The following PLXNA4 variants were observed in gnomAD, a reference collection of about 807,000 sequenced individuals.
PLXNA4 encodes plexin-A4.
In PLXNA4, 44 loss-of-function variants were observed where a neutral mutation model predicts 191.8. The ratio of observed to expected loss-of-function variants is 0.23; its 90% CI spans 0.18 to 0.29. PLXNA4 has a LOEUF of 0.29. PLXNA4 is among the 10% of genes least tolerant of loss of function. The pLI is 1.00. For missense variants in PLXNA4, 1,800 were observed against 2,488.8 expected (o/e 0.72, Z 5.89); for synonymous variants, 1,082 against 1,009.5 (o/e 1.07, Z -1.36).
At chr7:132,612,898 G>T (rs1293728550) in intron 2 of PLXNA4, among the ~76,000 whole-genome samples, 3 of 151,892 alleles carry the variant, frequency 2.0e-5, no homozygotes, top group African/African-American at 7.3e-5. Context: ...TCTATCAAAA[G>T]GGCATCAAAA....
chr7:132,288,848 TC>T (rs1160738885), intron 4 of PLXNA4, among the ~76,000 whole-genome samples: 1 of 152,142 alleles, frequency 6.6e-6, no homozygotes, highest in African/African-American at 2.4e-5. Context: ...TTCTATCAAA[TC>T]AATGTCTATA....
intron 3 of PLXNA4, among the ~76,000 whole-genome samples, chr7:132,442,336 C>T (rs1337101660): frequency 6.6e-6 from 1 of 152,150 alleles, no homozygotes; most frequent in African/African-American, 2.4e-5. Context: ...TATGAAGTTA[C>T]TGCTTGATGC....
intron 1 of PLXNA4, among the ~76,000 whole-genome samples, chr7:132,524,608 C>T (rs1177999226): frequency 3.9e-5 from 6 of 152,308 alleles, no homozygotes; most frequent in African/African-American, 2.4e-5. Flanking sequence ...TGGAGTCTCA[C>T]TCTGTCACCC....
chr7:132,593,191 C>T (rs1427642026), intron 2 of PLXNA4, among the ~76,000 whole-genome samples: 3 of 152,210 alleles, frequency 2.0e-5, no homozygotes, highest in African/African-American at 7.2e-5. Flanking sequence ...TTTACCCACA[C>T]AATTGACGCG....
chr7:132,358,340 A>C (rs1803795261), intron 3 of PLXNA4, among the ~76,000 whole-genome samples: 1 of 152,198 alleles, frequency 6.6e-6, no homozygotes, highest in South Asian at 2.1e-4. Context: ...TGCCCTTTCT[A>C]CTAACAAGTG....
intron 3 of PLXNA4, among the ~76,000 whole-genome samples, chr7:132,484,419 C>T (rs1040298178): frequency 6.6e-6 from 1 of 152,244 alleles, no homozygotes; most frequent in Non-Finnish European, 1.5e-5. Flanking sequence ...TCAGCCTCCC[C>T]TTCACACAAC....
chr7:132,464,261 A>G (rs1327229281), intron 3 of PLXNA4, among the ~76,000 whole-genome samples: 1 of 152,200 alleles, frequency 6.6e-6, no homozygotes, highest in Admixed American at 6.5e-5. Context: ...ATATTAGGGG[A>G]GATTCAGGAG....
chr7:132,503,939 A>G (rs1798354651), intron 2 of PLXNA4, among the ~76,000 whole-genome samples: 1 of 152,212 alleles, frequency 6.6e-6, no homozygotes, highest in African/African-American at 2.4e-5. Flanking sequence ...AGCATGGCTC[A>G]GAGGGTGAAG....
intron 4 of PLXNA4, among the ~76,000 whole-genome samples, chr7:132,292,437 C>T (rs748855626): frequency 9.9e-5 from 15 of 152,132 alleles, no homozygotes; most frequent in Admixed American, 1.3e-4. Context: ...TAGAGCTTGC[C>T]GGGTTGCTGA....
At chr7:132,222,146 G>T (rs1339959614) in intron 9 of PLXNA4, among the ~76,000 whole-genome samples, 1 of 152,102 alleles carries the variant, frequency 6.6e-6, no homozygotes, top group African/African-American at 2.4e-5. Context: ...TCCACTCCTT[G>T]CTTTTACTTC....
intron 2 of PLXNA4, among the ~76,000 whole-genome samples, chr7:132,500,526 C>T (rs1468464650): frequency 6.6e-6 from 1 of 152,110 alleles, no homozygotes; most frequent in Non-Finnish European, 1.5e-5. Flanking sequence ...AGCTGGAGCA[C>T]ATCCTAGGGC....
At chr7:132,639,855 T>A (rs547465033) in intron 2 of PLXNA4, among the ~76,000 whole-genome samples, 1 of 152,284 alleles carries the variant, frequency 6.6e-6, no homozygotes, top group East Asian at 1.9e-4. Flanking sequence ...CAGACCATGA[T>A]GAGAGTCATG....
At position 132,181,431 on chromosome 7, in the gene PLXNA4, C is replaced by T; in HGVS notation, c.3442G>A (p.Gly1148Ser). The T allele has an allele frequency of 6.2e-7, 1 of 1,614,088 alleles. No homozygotes were observed. The highest frequency in any genetic ancestry group is 8.5e-7 in the Non-Finnish European group (1 of 1,180,022). ...YYPNPVFEAF[G>S]PSGILELKPG... ...TTGAGCTCCAGGATTCCTGAGGGAC[C>T]AAAGGCCTCAAACACCGGGTTGGGA... The change falls in exon 18 of 32, where the codon GGT (glycine) becomes AGT (serine). Residue 1148 changes from glycine to serine, a missense_variant. Gly to Ser is a moderately conservative substitution (Grantham distance 56, BLOSUM62 0). Transcript: ENST00000321063.
At chr7:132,167,095 C>G (rs1796145055) in intron 22 of PLXNA4, among the ~76,000 whole-genome samples, 1 of 152,128 alleles carries the variant, frequency 6.6e-6, no homozygotes, top group South Asian at 2.1e-4. Context: ...GAGGGCTGGA[C>G]ATAATGACAT....
Position 132,226,263 on chromosome 7 carries a change from A to G in PLXNA4, c.1883-3T>C. 1.9e-6 allele frequency: 3 copies of G among 1,611,904 alleles called. No individual in the cohort carries two copies. Among genetic ancestry groups the G allele is most frequent in the East Asian group, 4.5e-5 (2 of 44,810 alleles). On this transcript the variant is annotated splice_region_variant and splice_polypyrimidine_tract_variant and intron_variant, in intron 7 of 31. Transcript: ENST00000321063. ...AAGCTGTACGACATGGTGGTCCCCT[A>G]CAAGGAGAGATGGCTGAGGGGTCAG...
At chr7:132,559,376 C>A (rs1210732385) in intron 1 of PLXNA4, among the ~76,000 whole-genome samples, 1 of 152,112 alleles carries the variant, frequency 6.6e-6, no homozygotes, top group South Asian at 2.1e-4. Flanking sequence ...TCTGAGATAC[C>A]CAGAAGCAAT....
intron 4 of PLXNA4, among the ~76,000 whole-genome samples, chr7:132,265,693 A>AACCCAGG (rs1799824620): frequency 6.6e-6 from 1 of 152,208 alleles, no homozygotes; most frequent in African/African-American, 2.4e-5. Context: ...ACCCTAGCAG[A>AACCCAGG]TACACATGTG....
At chr7:132,603,149 G>T (rs1802852195) in intron 2 of PLXNA4, among the ~76,000 whole-genome samples, 1 of 152,078 alleles carries the variant, frequency 6.6e-6, no homozygotes. Context: ...CAGTTTGCTG[G>T]TTTCAATTTT....
chr7:132,645,772 C>T (rs1195539441), intron 2 of PLXNA4, among the ~76,000 whole-genome samples: 2 of 152,182 alleles, frequency 1.3e-5, no homozygotes, highest in Non-Finnish European at 2.9e-5. Context: ...GTGATGGGCA[C>T]ACGTAAGGTG....
Sources: gnomAD v4.1 joint callset for allele counts (sites outside exome capture counted in the v4.1 genomes callset) on GRCh38, gnomAD v4.1.1 for gene constraint, MANE v1.5 for transcripts, NCBI Gene and HGNC (gene_info 2026-07-23, HGNC 2026-07-21) for gene names.